The following PMM2 variants were observed in gnomAD, a reference collection of about 807,000 sequenced individuals.
PMM2 encodes the protein mannose-6-phosphate isomerase.
PMM2 carries 35 observed loss-of-function variants against 33.2 expected under a neutral mutation model. That is an observed-to-expected ratio of 1.06 (90% confidence interval 0.81 to 1.40). The LOEUF (loss-of-function observed/expected upper bound fraction) is 1.40. Ranked by LOEUF, PMM2 falls within the 40% of genes most tolerant of loss-of-function variation. PMM2 has a pLI of 0.00. For synonymous variants in PMM2, 153 were observed against 114.7 expected, an observed-to-expected ratio of 1.33 and a Z score of -2.13; for missense variants, 386 against 306.0, an observed-to-expected ratio of 1.26 and a Z score of -1.95.
chr16:8,809,468 G>C (rs568203367), intron 4 of PMM2: 1 of 151,570 alleles, frequency 6.6e-6, no homozygotes, highest in Non-Finnish European at 1.5e-5. Flanking sequence ...TGCTTGTTTT[G>C]TTTTTTTTGA....
intron 7 of PMM2, among the ~76,000 whole-genome samples, chr16:8,845,716 G>A (rs941868292): frequency 2.0e-5 from 3 of 151,626 alleles, no homozygotes; most frequent in African/African-American, 2.4e-5. Context: ...TTACAGGTGC[G>A]CACCACCACA....
chr16:8,837,608 T>C (rs2060858964), intron 7 of PMM2, among the ~76,000 whole-genome samples: 2 of 150,144 alleles, frequency 1.3e-5, no homozygotes, highest in South Asian at 2.1e-4. Flanking sequence ...ATATAAGAGA[T>C]TGGGGCGCAG....
chr16:8,837,301 G>C (rs894218260), intron 7 of PMM2, among the ~76,000 whole-genome samples: 1 of 152,020 alleles, frequency 6.6e-6, no homozygotes, highest in Non-Finnish European at 1.5e-5. Flanking sequence ...AAAACTGAAA[G>C]TGCCGTTTTC....
Position 8,801,831 on chromosome 16 carries a change from A to C in PMM2, c.99A>C (p.Gln33His). 6.2e-7 allele frequency: 1 copy of C among 1,611,724 alleles called. No homozygotes were observed. The highest frequency in any genetic ancestry group is 8.5e-7 in the Non-Finnish European group (1 of 1,178,340). ...KITKEMDDFL[Q>H]KLRQKIKIGV... Reference sequence around the variant, plus strand: ...CCAAAGAAATGGATGACTTCCTACAAAAATTGAGGCAGAAGATCAAAATCG... The same window carrying C: ...CCAAAGAAATGGATGACTTCCTACACAAATTGAGGCAGAAGATCAAAATCG... Residue 33 changes from glutamine (Q) to histidine (H), a missense_variant, in exon 2 of 8, where the codon CAA becomes CAC. Transcript: ENST00000268261.
At position 8,847,873 on chromosome 16, in the gene PMM2, C is replaced by T. The variant is rs1429891994; in HGVS notation, c.*48C>T. The T allele has an allele frequency of 1.4e-6, 2 of 1,424,868 alleles. No homozygotes were observed. The highest frequency in any genetic ancestry group is 2.0e-6 in the Non-Finnish European group (2 of 1,014,378). 88.3% of individuals were successfully genotyped at this position (1,424,868 alleles called of 1,614,324 possible). On this transcript the variant is annotated 3_prime_UTR_variant, in exon 8 of 8. Transcript: ENST00000268261. The stretch of plus-strand genomic sequence containing the variant: ...TCCCGGCTGACAAGCCAGCATAGGG[C>T]ATTCGGTGGCCAGAGCCGAGGGTCC...
rs549418698 is a variant in PMM2, at chr16:8,822,183, A to C, written c.639+9077A>C. On this transcript the variant is annotated intron_variant, in intron 7 of 7. Transcript: ENST00000268261. ...GCTGATTGGTCGGCTTGGAGATGAAATCATAGGGGGTGGAAGTGAGTTTTT... is the reference window on the plus strand; with the variant it reads ...GCTGATTGGTCGGCTTGGAGATGAACTCATAGGGGGTGGAAGTGAGTTTTT... 1.2e-4 allele frequency among the ~76,000 whole-genome samples: 18 copies of C among 152,250 alleles called. No individual in the cohort carries two copies. In the East Asian group the frequency reaches 3.3e-3, roughly 28 times the overall value.
rs142605772 is a variant in PMM2 at position 8,827,812 on chromosome 16, T to TATATATAGTATAA, written c.639+14706_639+14707insATATATAGTATAA. Among the ~76,000 whole-genome samples the TATATATAGTATAA allele has an allele frequency of 5.0e-5, 4 of 80,524 alleles. No individual in the cohort carries two copies. In the South Asian group the frequency reaches 1.5e-3, roughly 30 times the overall value. The allele number at this position is 80,524 out of a possible 152,430, so 52.8% of individuals were successfully genotyped here. ...TATATATTTATACATATTTATATAT[T>TATATATAGTATAA]TATATAATATATATTATATATATTG... On this transcript the variant is annotated intron_variant, in intron 7 of 7. Transcript: ENST00000268261.
intron 4 of PMM2, among the ~76,000 whole-genome samples, chr16:8,807,324 C>T (rs1179548184): frequency 6.6e-6 from 1 of 152,094 alleles, no homozygotes; most frequent in Non-Finnish European, 1.5e-5. Context: ...ATGTTTTAAA[C>T]ATCTGGATTT....
chr16:8,825,886 G>C (rs2060764911), intron 7 of PMM2, among the ~76,000 whole-genome samples: 1 of 151,374 alleles, frequency 6.6e-6, no homozygotes, highest in Non-Finnish European at 1.5e-5. Flanking sequence ...CTCCCGAGTA[G>C]CTGGGACTAC....
chr16:8,799,696 C>CA (rs1458977197), intron 1 of PMM2, among the ~76,000 whole-genome samples: 1 of 152,170 alleles, frequency 6.6e-6, no homozygotes, highest in East Asian at 1.9e-4. Context: ...TACAGGCAGG[C>CA]ACCACCACGC....
At chr16:8,800,665 C>CTTTTTTTTTTTTTTTTTTTTTTTTTT (rs35148703) in intron 1 of PMM2, among the ~76,000 whole-genome samples, 1 of 126,646 alleles carries the variant, frequency 7.9e-6, no homozygotes. Context: ...TAAGCTTCTC[C>CTTTTTTTTTTTTTTTTTTTTTTTTTT]TTTTTTTTTT....
At chr16:8,814,332 A>G (rs1033422160) in intron 7 of PMM2, among the ~76,000 whole-genome samples, 6 of 151,990 alleles carry the variant, frequency 3.9e-5, no homozygotes, top group Admixed American at 2.6e-4. Flanking sequence ...CCTCCCTCCC[A>G]CATGCAGGCT....
At chr16:8,830,874 C>T (rs2141037092) in intron 7 of PMM2, among the ~76,000 whole-genome samples, 1 of 152,360 alleles carries the variant, frequency 6.6e-6, no homozygotes, top group South Asian at 2.1e-4. Context: ...CAGGGTGGCT[C>T]ACGCCTGTAA....
At chr16:8,830,046 G>A (rs936535015) in intron 7 of PMM2, among the ~76,000 whole-genome samples, 12 of 152,202 alleles carry the variant, frequency 7.9e-5, no homozygotes, top group African/African-American at 2.9e-4. Context: ...CAGATACCCT[G>A]TGATGGGGCT....
chr16:8,838,728 G>T (rs551330156), intron 7 of PMM2, among the ~76,000 whole-genome samples: 1 of 152,020 alleles, frequency 6.6e-6, no homozygotes, highest in Non-Finnish European at 1.5e-5. Context: ...GGTATTAAAG[G>T]ACTAAGAATT....
In PMM2 at chr16:8,832,513, T is replaced by C. The variant is rs1431989520; in HGVS notation, c.640-15211T>C. 15 of 985,312 alleles carry C rather than the reference T, an allele frequency of 1.5e-5. No individual in the cohort carries two copies. The African/African-American group carries it at 2.3e-4, about 15-fold the overall frequency. 61.0% of individuals were successfully genotyped at this position (985,312 alleles called of 1,614,324 possible). ...GCCGTTAGGCCTCTGTCCCTGCATGTGACATCTGCAGGGAAGGGCAGGCCT... is the reference window on the plus strand; with the variant it reads ...GCCGTTAGGCCTCTGTCCCTGCATGCGACATCTGCAGGGAAGGGCAGGCCT... On this transcript the variant is annotated intron_variant, in intron 7 of 7. Transcript: ENST00000268261.
chr16:8,836,840 T>TA (rs1209373965), intron 7 of PMM2, among the ~76,000 whole-genome samples: 1 of 152,066 alleles, frequency 6.6e-6, no homozygotes, highest in Non-Finnish European at 1.5e-5. Context: ...AAAAAGAACC[T>TA]AAACGCTATC....
intron 7 of PMM2, among the ~76,000 whole-genome samples, chr16:8,824,196 A>T (rs2060753285): frequency 6.6e-6 from 1 of 152,232 alleles, no homozygotes; most frequent in African/African-American, 2.4e-5. Context: ...AGGATTAACA[A>T]TGTTTAACAC....
chr16:8,839,547 A>T (rs1489673410), intron 7 of PMM2, among the ~76,000 whole-genome samples: 1 of 152,034 alleles, frequency 6.6e-6, no homozygotes, highest in Non-Finnish European at 1.5e-5. Context: ...AAACAAGAGG[A>T]GGGCCTGGGA....
Sources: gnomAD v4.1 joint callset for allele counts (sites outside exome capture counted in the v4.1 genomes callset) on GRCh38, gnomAD v4.1.1 for gene constraint, MANE v1.5 for transcripts, NCBI Gene and HGNC (gene_info 2026-07-23, HGNC 2026-07-21) for gene names.